SNAP91: variants seen among roughly 807,000 people sequenced by gnomAD.
The protein encoded by SNAP91 is clathrin coat assembly protein AP180.
Under a neutral mutation model 100.3 loss-of-function variants are expected in SNAP91, and 27 were observed. That is an observed-to-expected ratio of 0.27 (90% CI 0.20 to 0.37). The LOEUF is 0.37. Ranked by LOEUF, SNAP91 falls within the 10% of genes least tolerant of loss-of-function variation. SNAP91 has a pLI of 1.00. For synonymous variants in SNAP91, 404 were observed against 398.6 expected (o/e 1.01, Z -0.16); for missense variants, 986 against 1,123.7 (o/e 0.88, Z 1.75).
chr6:83,672,982 T>A (rs217296), intron 2 of SNAP91, among the ~76,000 whole-genome samples: 124,720 of 152,076 alleles, frequency 0.82, 51,404 homozygotes, highest in East Asian at 0.96. Context: ...TATAATCATC[T>A]TGTAAACTTG....
chr6:83,679,630 A>G (rs2098959724), intron 2 of SNAP91, among the ~76,000 whole-genome samples: 1 of 152,134 alleles, frequency 6.6e-6, no homozygotes, highest in Non-Finnish European at 1.5e-5. Flanking sequence ...CAACAGGTAG[A>G]AAAATGAATG....
intron 7 of SNAP91, among the ~76,000 whole-genome samples, chr6:83,646,990 C>T (rs1280787556): frequency 1.3e-5 from 2 of 151,620 alleles, no homozygotes; most frequent in Non-Finnish European, 2.9e-5. Context: ...TCTGCTTGTT[C>T]ATTGCTAGTA....
At chr6:83,601,650 G>A in intron 14 of SNAP91, 51 bp from the exon 15 acceptor site, 2 of 1,579,558 alleles carry the variant, frequency 1.3e-6, no homozygotes, top group South Asian at 2.2e-5. Flanking sequence ...AGCTAAAGTT[G>A]AAACATGCAA....
intron 2 of SNAP91, among the ~76,000 whole-genome samples, chr6:83,701,078 T>C (rs375290646): frequency 2.6e-5 from 4 of 152,314 alleles, no homozygotes; most frequent in African/African-American, 7.2e-5. Context: ...GTTGTGTCTG[T>C]TTTCTTTGAA....
chr6:83,608,061 CTTCCA>C (rs1397434682), intron 12 of SNAP91, among the ~76,000 whole-genome samples: 1 of 151,998 alleles, frequency 6.6e-6, no homozygotes, highest in Non-Finnish European at 1.5e-5. Context: ...ATTGCAATGA[CTTCCA>C]TTCATTAATT....
intron 26 of SNAP91, among the ~76,000 whole-genome samples, chr6:83,573,899 C>T (rs1200550628): frequency 6.6e-6 from 1 of 152,196 alleles, no homozygotes; most frequent in Non-Finnish European, 1.5e-5. Flanking sequence ...TGGGCAAGGA[C>T]TTCATGTCTA....
intron 8 of SNAP91, among the ~76,000 whole-genome samples, chr6:83,626,752 G>T (rs943448672): frequency 2.0e-5 from 3 of 152,076 alleles, no homozygotes; most frequent in Non-Finnish European, 2.9e-5. Flanking sequence ...AGGTCTAGGA[G>T]TTTTTTGATG....
At chr6:83,598,629 A>T (rs1462455019) in intron 16 of SNAP91, among the ~76,000 whole-genome samples, 1 of 152,192 alleles carries the variant, frequency 6.6e-6, no homozygotes, top group East Asian at 1.9e-4. Context: ...TTGTAAAGTT[A>T]TGCTGTGTTA....
intron 8 of SNAP91, among the ~76,000 whole-genome samples, chr6:83,635,330 G>A (rs995116746): frequency 6.6e-6 from 1 of 152,174 alleles, no homozygotes; most frequent in African/African-American, 2.4e-5. Flanking sequence ...AATGTTGGGT[G>A]TGTATATATT....
At chr6:83,614,574 A>G (rs2096365989) in intron 11 of SNAP91, among the ~76,000 whole-genome samples, 1 of 152,136 alleles carries the variant, frequency 6.6e-6, no homozygotes, top group Non-Finnish European at 1.5e-5. Flanking sequence ...TAAACAAATA[A>G]AAAATATTTC....
At chr6:83,699,036 G>C (rs553996662) in intron 2 of SNAP91, among the ~76,000 whole-genome samples, 2 of 152,276 alleles carry the variant, frequency 1.3e-5, no homozygotes, top group African/African-American at 4.8e-5. Context: ...TGGATGGGAA[G>C]CTCCAAGGGC....
chr6:83,649,585 T>A (rs2098110176), intron 7 of SNAP91, among the ~76,000 whole-genome samples: 1 of 152,116 alleles, frequency 6.6e-6, no homozygotes. Flanking sequence ...TTTGTTTGTT[T>A]GTTTGTTTGT....
intron 2 of SNAP91, among the ~76,000 whole-genome samples, chr6:83,694,019 C>G (rs1338877182): frequency 2.0e-5 from 3 of 152,226 alleles, no homozygotes; most frequent in Non-Finnish European, 4.4e-5. Flanking sequence ...CAGGATTAAT[C>G]TGCAATGTCT....
At chr6:83,654,887 T>C (rs2128683004) in intron 7 of SNAP91, among the ~76,000 whole-genome samples, 1 of 152,292 alleles carries the variant, frequency 6.6e-6, no homozygotes, top group South Asian at 2.1e-4. Flanking sequence ...GCTACAGAAC[T>C]AGGTAATGAT....
intron 2 of SNAP91, chr6:83,678,840 G>A (rs1180832776): frequency 1.3e-5 from 17 of 1,274,256 alleles, no homozygotes; most frequent in Non-Finnish European, 1.5e-5. Flanking sequence ...AAAAATCCAA[G>A]TCTGTTTTCT....
chr6:83,692,137 T>C (rs2128995227), intron 2 of SNAP91, among the ~76,000 whole-genome samples: 1 of 152,302 alleles, frequency 6.6e-6, no homozygotes, highest in Non-Finnish European at 1.5e-5. Flanking sequence ...GAAAGATACC[T>C]ATGAAAAGAA....
At chr6:83,631,167 G>A (rs2097191524) in intron 8 of SNAP91, among the ~76,000 whole-genome samples, 1 of 152,064 alleles carries the variant, frequency 6.6e-6, no homozygotes. Flanking sequence ...TCCTTTTGGA[G>A]TTGATTTCCA....
chr6:83,610,787 G>T, intron 11 of SNAP91, 110 bp from the exon 12 acceptor site: 1 of 202,784 alleles, frequency 4.9e-6, no homozygotes, highest in Non-Finnish European at 9.4e-6. Context: ...ATTTAAGTTG[G>T]ATTTCACTTG....
rs754962003 is a variant in SNAP91 at position 83,593,053 on chromosome 6, G to A, written c.1775-36C>T. 4.7e-5 allele frequency: 73 copies of A among 1,549,538 alleles called. No individual in the cohort carries two copies. The South Asian group carries it at 4.9e-4, about 10-fold the overall frequency. On this transcript the variant is annotated intron_variant, in intron 19 of 29. Coordinates refer to ENST00000369694, the MANE Select transcript of SNAP91 (RefSeq NM_001242792.2). ...TGAAACAAACCAAAACCAAGCAGAG[G>A]TAAGTAGTAGAAAGCTGAAATCAAA...
Sources: allele counts gnomAD v4.1 joint callset (sites outside exome capture counted in the v4.1 genomes callset), GRCh38; gene constraint gnomAD v4.1.1; transcripts MANE v1.5; gene names NCBI Gene and HGNC (gene_info 2026-07-23, HGNC 2026-07-21).